Variants in ARHGEF3 observed in about 807,000 individuals in gnomAD.
The protein encoded by ARHGEF3 is 59.8 kDA protein.
ARHGEF3 carries 28 observed loss-of-function variants against 63.2 expected under a neutral mutation model. The ratio of observed to expected loss-of-function variants is 0.44; its 90% CI spans 0.33 to 0.61. The LOEUF (loss-of-function observed/expected upper bound fraction) is 0.61. Ranked by LOEUF, ARHGEF3 falls within the 20% of genes least tolerant of loss-of-function variation. The pLI is 0.03. For synonymous variants in ARHGEF3, 266 were observed against 254.2 expected (o/e 1.05, Z -0.44); for missense variants, 533 against 659.3 (o/e 0.81, Z 2.10).
intron 7 of ARHGEF3, among the ~76,000 whole-genome samples, chr3:56,739,777 T>C (rs985702491): frequency 6.6e-6 from 1 of 152,244 alleles, no homozygotes; most frequent in South Asian, 2.1e-4. Context: ...TACTCAGTTA[T>C]AACTTTTGTA....
chr3:56,847,605 C>T (rs1299846554), intron 4 of ARHGEF3, among the ~76,000 whole-genome samples: 6 of 152,164 alleles, frequency 3.9e-5, no homozygotes, highest in Admixed American at 3.3e-4. Flanking sequence ...GAGACAGAGT[C>T]TCAATCTTGT....
chr3:56,887,765 T>C (rs907966702), intron 3 of ARHGEF3, among the ~76,000 whole-genome samples: 2 of 152,184 alleles, frequency 1.3e-5, no homozygotes, highest in East Asian at 1.9e-4. Flanking sequence ...CTTTCAACCA[T>C]GAAAACAAAG....
At chr3:56,947,721 A>G (rs1440649506) in intron 3 of ARHGEF3, among the ~76,000 whole-genome samples, 2 of 152,192 alleles carry the variant, frequency 1.3e-5, no homozygotes, top group South Asian at 4.1e-4. Context: ...CAGATCAACG[A>G]GACAGAAAGT....
At chr3:56,984,051 G>C (rs951957036) in intron 2 of ARHGEF3, among the ~76,000 whole-genome samples, 1 of 152,008 alleles carries the variant, frequency 6.6e-6, no homozygotes, top group African/African-American at 2.4e-5. Context: ...AGCACTCATG[G>C]GGGCACCTTT....
At position 56,831,535 on chromosome 3, in the gene ARHGEF3, C is replaced by T. The variant is rs538862558; in HGVS notation, c.192+50757G>A. On this transcript the variant is annotated intron_variant, in intron 4 of 12. Transcript: ENST00000338458. ...TGCCAATGCAATATAAAAGCAGCCA[C>T]TGACAATAAATAAATAACAGTGTGG... is the stretch of plus-strand genomic sequence containing the variant. Among the ~76,000 whole-genome samples the T allele has an allele frequency of 4.6e-5, 7 of 152,360 alleles. No individual in the cohort carries two copies. The East Asian group carries it at 1.3e-3, about 29-fold the overall frequency.
intron 2 of ARHGEF3, among the ~76,000 whole-genome samples, chr3:56,997,637 G>A (rs2106998156): frequency 6.6e-6 from 1 of 152,304 alleles, no homozygotes; most frequent in South Asian, 2.1e-4. Context: ...GTTTGTGGGG[G>A]CTTTTTCACA....
chr3:56,739,376 ATTG>A (rs1298639228), intron 7 of ARHGEF3, among the ~76,000 whole-genome samples: 10 of 149,004 alleles, frequency 6.7e-5, no homozygotes, highest in Admixed American at 6.8e-5. Flanking sequence ...TGTATCTAGG[ATTG>A]TTAAGTAATT....
intron 1 of ARHGEF3, among the ~76,000 whole-genome samples, chr3:57,066,044 A>AC (rs199909715): frequency 0.027 from 3,801 of 141,256 alleles, 152 homozygotes; most frequent in African/African-American, 0.092. Context: ...CCAAAACAAA[A>AC]AAAAAAAACC....
At chr3:56,951,342 C>T (rs1201721486) in intron 3 of ARHGEF3, among the ~76,000 whole-genome samples, 1 of 151,512 alleles carries the variant, frequency 6.6e-6, no homozygotes, top group Non-Finnish European at 1.5e-5. Context: ...CTTCAGTAAC[C>T]ACCACCCTGA....
chr3:57,030,839 C>G (rs1271667185), intron 2 of ARHGEF3, among the ~76,000 whole-genome samples: 1 of 152,202 alleles, frequency 6.6e-6, no homozygotes, highest in African/African-American at 2.4e-5. Context: ...ATAGAAGCAG[C>G]AAGAAATTAC....
At chr3:56,889,837 G>A (rs1005736930) in intron 3 of ARHGEF3, among the ~76,000 whole-genome samples, 2 of 152,150 alleles carry the variant, frequency 1.3e-5, no homozygotes, top group African/African-American at 4.8e-5. Context: ...CGAGATGGGC[G>A]GATCACCTGA....
In ARHGEF3 at chr3:56,727,474, T is replaced by A. The variant is rs548714314; in HGVS notation, c.*1796A>T. The stretch of plus-strand genomic sequence containing the variant: ...CTTCCAGAAAAGTTTAAGGCCATTA[T>A]ACAAAAACATTCATTTCATCAAAAC... On this transcript the variant is annotated 3_prime_UTR_variant, in exon 10 of 10. Transcript: ENST00000296315. The A allele has an allele frequency of 6.5e-6, 1 of 152,782 alleles. No individual in the cohort carries two copies. The highest frequency in any genetic ancestry group is 1.9e-4 in the East Asian group (1 of 5,188). The allele number at this position is 152,782 out of a possible 1,614,324, so 9.5% of individuals were successfully genotyped here. A position where few individuals can be genotyped will look rare whatever the true frequency, so the allele number is the denominator to read the frequency against.
chr3:56,915,885 A>T (rs1030389807), intron 3 of ARHGEF3, among the ~76,000 whole-genome samples: 1 of 152,208 alleles, frequency 6.6e-6, no homozygotes. Context: ...AACAAAACAG[A>T]AGGCAGATGC....
At position 56,870,383 on chromosome 3, in the gene ARHGEF3, C is replaced by T. The variant is rs1245274552; in HGVS notation, c.192+11909G>A. 2.6e-5 allele frequency among the ~76,000 whole-genome samples: 4 copies of T among 152,144 alleles called. No individual in the cohort carries two copies. In the East Asian group the frequency reaches 7.7e-4, roughly 29 times the overall value. ...GAAGTCAATCTGAAAAGGCTATATA[C>T]TGTATCCTTCCAACTATATGGCATT... On this transcript the variant is annotated intron_variant, in intron 4 of 12. Coordinates refer to the ARHGEF3 transcript ENST00000338458.
intron 2 of ARHGEF3, among the ~76,000 whole-genome samples, chr3:56,995,622 AG>A (rs1701943590): frequency 6.9e-5 from 1 of 14,564 alleles, no homozygotes; most frequent in Non-Finnish European, 2.4e-4. Context: ...AAATTTTCCG[AG>A]AGAGAGAGAG....
At chr3:56,751,680 A>G (rs947499087) in intron 4 of ARHGEF3, among the ~76,000 whole-genome samples, 2 of 152,234 alleles carry the variant, frequency 1.3e-5, no homozygotes, top group Non-Finnish European at 2.9e-5. Context: ...TAGGTATAGA[A>G]CAGATTTGAC....
intron 4 of ARHGEF3, among the ~76,000 whole-genome samples, chr3:56,861,008 G>GC (rs1377669831): frequency 6.6e-6 from 1 of 152,144 alleles, no homozygotes; most frequent in Admixed American, 6.5e-5. Flanking sequence ...AGCACCTCCA[G>GC]CCCCCTGCTG....
rs57740672 is a variant in ARHGEF3 at position 56,992,375 on chromosome 3, TAAAAAAAAAAAAAAA to T, written c.63-33501_63-33487del. Among the ~76,000 whole-genome samples, 226 of 46,150 alleles carry T rather than the reference TAAAAAAAAAAAAAAA, an allele frequency of 4.9e-3. 2 individuals are homozygous for T. The highest frequency in any genetic ancestry group is 0.01 in the Non-Finnish European group (170 of 16,586). The allele number at this position is 46,150 out of a possible 152,430, so 30.3% of individuals were successfully genotyped here. On this transcript the variant is annotated intron_variant, in intron 2 of 12. Transcript: ENST00000338458. The stretch of plus-strand genomic sequence containing the variant: ...GGTCCTATGGTAGGGAGGATGGCTT[TAAAAAAAAAAAAAAA>T]AAAAAAAAAAAAAAAAAAAAAAAAC...
At chr3:56,873,180 A>G (rs1022731712) in intron 4 of ARHGEF3, among the ~76,000 whole-genome samples, 2 of 147,526 alleles carry the variant, frequency 1.4e-5, no homozygotes, top group East Asian at 4.0e-4. Flanking sequence ...TAAATTTATT[A>G]TTTTTTAAAA....
Sources: allele counts gnomAD v4.1 joint callset (sites outside exome capture counted in the v4.1 genomes callset), GRCh38; gene constraint gnomAD v4.1.1; transcripts MANE v1.5; gene names NCBI Gene and HGNC (gene_info 2026-07-23, HGNC 2026-07-21).